The following TCF12 variants were observed in gnomAD, a reference collection of about 807,000 sequenced individuals.
TCF12 encodes the protein transcription factor 12, also known as DNA-binding protein HTF4.
A neutral mutation model predicts 86.0 loss-of-function variants in TCF12; 45 were observed. That is an observed-to-expected ratio of 0.52 (90% confidence interval 0.41 to 0.67). The LOEUF is 0.67. TCF12 is among the 30% of genes least tolerant of loss of function. The pLI, the probability that TCF12 is intolerant of heterozygous loss-of-function variation, is 0.00. For synonymous variants in TCF12, 330 were observed against 299.6 expected, an observed-to-expected ratio of 1.10 and a Z score of -1.05; for missense variants, 881 against 859.9, an observed-to-expected ratio of 1.02 and a Z score of -0.31.
At chr15:56,967,171 G>A (rs1187349121) in intron 3 of TCF12, among the ~76,000 whole-genome samples, 1 of 151,834 alleles carries the variant, frequency 6.6e-6, no homozygotes, top group Non-Finnish European at 1.5e-5. Context: ...AGTTGACTTG[G>A]TTTCATAATT....
chr15:57,231,735 A>G (rs1436761460), intron 9 of TCF12, among the ~76,000 whole-genome samples: 1 of 152,174 alleles, frequency 6.6e-6, no homozygotes, highest in Non-Finnish European at 1.5e-5. Flanking sequence ...GTTTTGGACT[A>G]TGGGAAACAA....
chr15:57,101,377 A>T lies in TCF12; in HGVS notation c.325+9486A>T, dbSNP rs1005348084. Reference sequence around the variant, plus strand: ...GTGCCACCACACCCAACTAATTTTTAAAAAATTATTCTTTGTAGAGACACA... The same window carrying T: ...GTGCCACCACACCCAACTAATTTTTTAAAAATTATTCTTTGTAGAGACACA... On this transcript the variant is annotated intron_variant, in intron 5 of 20. Transcript: ENST00000333725. Among the ~76,000 whole-genome samples the T allele has an allele frequency of 2.0e-5, 3 of 151,916 alleles. 1 individual carries two copies. Among genetic ancestry groups the T allele is most frequent in the South Asian group, 4.2e-4 (2 of 4,806 alleles).
intron 3 of TCF12, among the ~76,000 whole-genome samples, chr15:57,026,475 A>G (rs1158324008): frequency 1.3e-5 from 2 of 152,208 alleles, no homozygotes; most frequent in Non-Finnish European, 2.9e-5. Flanking sequence ...AGAGGACCAG[A>G]GGAATCCTGA....
rs7182038 is a variant in TCF12, at chr15:57,263,325, C to T, written c.1745+51C>T. The T allele has an allele frequency of 1.5e-5, 24 of 1,571,330 alleles. No homozygotes were observed. The South Asian group carries it at 1.6e-4, about 11-fold the overall frequency. On this transcript the variant is annotated intron_variant, in intron 18 of 20. Transcript: ENST00000333725. ...ATTTTATTCATTTTCCATAGGTAAA[C>T]ATACTTGAGAAGCTGGGTGTCATGC... is the stretch of plus-strand genomic sequence containing the variant.
intron 4 of TCF12, among the ~76,000 whole-genome samples, chr15:57,077,141 C>CAT (rs1156287904): frequency 6.6e-6 from 1 of 151,940 alleles, no homozygotes; most frequent in Non-Finnish European, 1.5e-5. Context: ...ACGTTCTTTG[C>CAT]ATATATATAT....
chr15:56,925,618 C>T (rs1190392452), intron 3 of TCF12, among the ~76,000 whole-genome samples: 3 of 152,094 alleles, frequency 2.0e-5, no homozygotes, highest in African/African-American at 7.2e-5. Flanking sequence ...CATTGTCTGC[C>T]TAGTGTTGTC....
intron 6 of TCF12, among the ~76,000 whole-genome samples, chr15:57,183,820 A>G (rs1597138896): frequency 6.6e-6 from 1 of 152,168 alleles, no homozygotes; most frequent in African/African-American, 2.4e-5. Flanking sequence ...TTAATGTTAG[A>G]TAATTTGTTC....
chr15:57,072,192 A>T (rs1268698040), intron 4 of TCF12, among the ~76,000 whole-genome samples: 3 of 152,192 alleles, frequency 2.0e-5, no homozygotes, highest in Admixed American at 6.5e-5. Context: ...AAAGTTATAT[A>T]AGAAATTTCA....
intron 8 of TCF12, among the ~76,000 whole-genome samples, chr15:57,202,857 T>C (rs1304244341): frequency 1.3e-5 from 2 of 152,200 alleles, no homozygotes; most frequent in Non-Finnish European, 2.9e-5. Context: ...GAGTATTATG[T>C]ACCTACTATA....
chr15:57,202,865 A>G (rs961865249), intron 8 of TCF12, among the ~76,000 whole-genome samples: 2 of 152,180 alleles, frequency 1.3e-5, no homozygotes, highest in East Asian at 1.9e-4. Context: ...TGTACCTACT[A>G]TAAGTGTGGT....
At chr15:57,176,809 G>T (rs879717083) in intron 6 of TCF12, among the ~76,000 whole-genome samples, 1 of 152,210 alleles carries the variant, frequency 6.6e-6, no homozygotes, top group South Asian at 2.1e-4. Flanking sequence ...AGCAGGTGCA[G>T]TAAGTAATAA....
chr15:56,953,373 T>C (rs1354175584), intron 3 of TCF12, among the ~76,000 whole-genome samples: 1 of 152,100 alleles, frequency 6.6e-6, no homozygotes, highest in East Asian at 1.9e-4. Flanking sequence ...TGCAGAAATA[T>C]TTATTTTCTA....
chr15:56,950,532 C>T (rs12437753), intron 3 of TCF12, among the ~76,000 whole-genome samples: 6,140 of 151,790 alleles, frequency 0.04, 370 homozygotes, highest in Admixed American at 0.17. Context: ...GGGTGCATTT[C>T]GTGTAGTTTT....
intron 6 of TCF12, among the ~76,000 whole-genome samples, chr15:57,172,497 C>A (rs1409631714): frequency 6.6e-6 from 1 of 152,124 alleles, no homozygotes; most frequent in Admixed American, 6.6e-5. Flanking sequence ...GTCCATAAAA[C>A]TAGTGTCAGT....
At chr15:57,139,283 G>A (rs923284656) in intron 5 of TCF12, among the ~76,000 whole-genome samples, 1 of 152,008 alleles carries the variant, frequency 6.6e-6, no homozygotes, top group Non-Finnish European at 1.5e-5. Flanking sequence ...CAAGAATGAT[G>A]GTCTTTTATA....
intron 16 of TCF12, among the ~76,000 whole-genome samples, chr15:57,259,439 C>G (rs557253675): frequency 6.6e-6 from 1 of 152,342 alleles, no homozygotes; most frequent in Admixed American, 6.5e-5. Flanking sequence ...GTTTGTCCCT[C>G]AATTCACAAG....
intron 8 of TCF12, among the ~76,000 whole-genome samples, chr15:57,216,027 C>A (rs975420247): frequency 6.6e-6 from 1 of 152,074 alleles, no homozygotes; most frequent in Non-Finnish European, 1.5e-5. Context: ...TTTCCTATAT[C>A]GTCAGTAAAG....
chr15:57,071,394 C>T (rs181724345), intron 4 of TCF12, among the ~76,000 whole-genome samples: 1 of 152,168 alleles, frequency 6.6e-6, no homozygotes, highest in Admixed American at 6.5e-5. Context: ...CCTGTAATCC[C>T]AGCACTTTGG....
intron 3 of TCF12, among the ~76,000 whole-genome samples, chr15:57,030,687 C>T (rs918660246): frequency 1.3e-5 from 2 of 152,102 alleles, no homozygotes; most frequent in African/African-American, 4.8e-5. Flanking sequence ...AGTTTGTTTC[C>T]GTTTCTTCCT....
Sources: gnomAD v4.1 joint callset for allele counts (sites outside exome capture counted in the v4.1 genomes callset) on GRCh38, gnomAD v4.1.1 for gene constraint, MANE v1.5 for transcripts, NCBI Gene and HGNC (gene_info 2026-07-23, HGNC 2026-07-21) for gene names.